ARNT2: variants seen among roughly 807,000 people sequenced by gnomAD.
ARNT2 encodes the protein ARNT protein 2.
ARNT2 carries 36 observed loss-of-function variants against 91.7 expected under a neutral mutation model. The observed-to-expected ratio is 0.39, with a 90% confidence interval of 0.30 to 0.52. The LOEUF (loss-of-function observed/expected upper bound fraction) is 0.52, where lower values mean the gene tolerates loss of function less well. ARNT2 is among the 20% of genes least tolerant of loss of function. The pLI, the probability that ARNT2 is intolerant of heterozygous loss-of-function variation, is 0.72. For synonymous variants in ARNT2, 365 were observed against 347.1 expected (o/e 1.05, Z -0.57); for missense variants, 775 against 939.3 (o/e 0.83, Z 2.29).
chr15:80,482,436 C>G (rs1019132110), intron 5 of ARNT2, among the ~76,000 whole-genome samples: 1 of 152,078 alleles, frequency 6.6e-6, no homozygotes, highest in Non-Finnish European at 1.5e-5. Flanking sequence ...TGGGGATTAT[C>G]GGCCCCATTT....
chr15:80,452,059 G>A (rs1390004284), intron 2 of ARNT2, among the ~76,000 whole-genome samples: 1 of 152,248 alleles, frequency 6.6e-6, no homozygotes, highest in African/African-American at 2.4e-5. Flanking sequence ...GGGGGCATAA[G>A]TGGAGGCAAT....
intron 3 of ARNT2, among the ~76,000 whole-genome samples, chr15:80,466,715 C>T (rs1896660639): frequency 6.6e-6 from 1 of 152,264 alleles, no homozygotes; most frequent in South Asian, 2.1e-4. Context: ...GTGTATGTCA[C>T]TCACTTATCA....
intron 13 of ARNT2, among the ~76,000 whole-genome samples, chr15:80,574,784 T>C (rs976728629): frequency 1.3e-5 from 2 of 152,202 alleles, no homozygotes; most frequent in Non-Finnish European, 2.9e-5. Flanking sequence ...TGACCTTCAG[T>C]TCACCGCCCC....
chr15:80,426,669 G>A (rs1895936455), intron 1 of ARNT2, among the ~76,000 whole-genome samples: 1 of 152,202 alleles, frequency 6.6e-6, no homozygotes, highest in Admixed American at 6.5e-5. Context: ...AAATTATCTT[G>A]TTTAGAGCAA....
At chr15:80,531,619 G>A (rs924953277) in intron 8 of ARNT2, among the ~76,000 whole-genome samples, 4 of 152,136 alleles carry the variant, frequency 2.6e-5, no homozygotes, top group Admixed American at 1.3e-4. Context: ...TCTTTTCTCC[G>A]TTATAACACC....
At chr15:80,542,797 T>C (rs1036830549) in intron 8 of ARNT2, among the ~76,000 whole-genome samples, 3 of 152,160 alleles carry the variant, frequency 2.0e-5, no homozygotes, top group African/African-American at 7.2e-5. Context: ...TCATTTTCTT[T>C]ATGCCAGCTG....
At chr15:80,553,792 G>A (rs1898127240) in intron 10 of ARNT2, among the ~76,000 whole-genome samples, 1 of 152,180 alleles carries the variant, frequency 6.6e-6, no homozygotes, top group Non-Finnish European at 1.5e-5. Flanking sequence ...ATGTAGATAT[G>A]AGTATTTTAA....
At position 80,522,931 on chromosome 15, in the gene ARNT2, G is replaced by A. The variant is rs939956144; in HGVS notation, c.877+8526G>A. On this transcript the variant is annotated intron_variant, in intron 8 of 18. Coordinates refer to ENST00000303329, the MANE Select transcript of ARNT2 (RefSeq NM_014862.4). Reference sequence around the variant, plus strand: ...GCCTCCAGCTGGACTCAAGGATGGCGATCCTAAGAAGCAATGCCTTCCCAG... The same window carrying A: ...GCCTCCAGCTGGACTCAAGGATGGCAATCCTAAGAAGCAATGCCTTCCCAG... 4.6e-5 allele frequency among the ~76,000 whole-genome samples: 7 copies of A among 151,902 alleles called. No homozygotes were observed. The East Asian group carries it at 5.8e-4, about 13-fold the overall frequency.
intron 15 of ARNT2, 108 bp downstream of exon 15, chr15:80,577,073 C>T: frequency 3.5e-6 from 4 of 1,128,074 alleles, no homozygotes; most frequent in Admixed American, 2.0e-5. Context: ...TTAGTGGTTA[C>T]TGGCGCTCAG....
intron 5 of ARNT2, among the ~76,000 whole-genome samples, chr15:80,491,434 T>C (rs964028393): frequency 4.6e-5 from 7 of 152,138 alleles, no homozygotes; most frequent in Non-Finnish European, 1.0e-4. Context: ...CCTGCTCCCA[T>C]GATTCAATTA....
At chr15:80,558,545 G>A (rs1416678397) in intron 11 of ARNT2, among the ~76,000 whole-genome samples, 2 of 151,920 alleles carry the variant, frequency 1.3e-5, no homozygotes, top group African/African-American at 4.8e-5. Flanking sequence ...TCACCATGTT[G>A]GCCAGGCTGG....
At chr15:80,570,898 G>A (rs1175479260) in intron 12 of ARNT2, among the ~76,000 whole-genome samples, 3 of 152,136 alleles carry the variant, frequency 2.0e-5, no homozygotes, top group Admixed American at 6.5e-5. Context: ...GGCTGAATTC[G>A]AAACAGAATG....
chr15:80,588,263 T>A (rs572622404), intron 17 of ARNT2, among the ~76,000 whole-genome samples: 1 of 152,130 alleles, frequency 6.6e-6, no homozygotes, highest in African/African-American at 2.4e-5. Context: ...CACCTCCTTC[T>A]CCATCACATC....
In ARNT2 at chr15:80,543,033, A is replaced by G. The variant is rs1013986515; in HGVS notation, c.878-8166A>G. On this transcript the variant is annotated intron_variant, in intron 8 of 18. Transcript: ENST00000303329. ...GATGGCTTGAGCCTGGGAGGTCAAG[A>G]CTGCAGTGAACCAAGATCGCGCCAC... 8.2e-5 allele frequency among the ~76,000 whole-genome samples: 12 copies of G among 146,570 alleles called. No individual in the cohort carries two copies. The South Asian group carries it at 2.4e-3, about 29-fold the overall frequency.
intron 1 of ARNT2, 103 bp from the exon 2 acceptor site, chr15:80,450,777 G>A: frequency 8.8e-7 from 1 of 1,136,898 alleles, no homozygotes; most frequent in Non-Finnish European, 1.3e-6. Context: ...AGGTCCCTGG[G>A]CTCTCTGCGC....
intron 1 of ARNT2, among the ~76,000 whole-genome samples, chr15:80,419,890 T>G (rs990536339): frequency 6.6e-6 from 1 of 152,160 alleles, no homozygotes; most frequent in Non-Finnish European, 1.5e-5. Flanking sequence ...TGGAACGCAG[T>G]GTAAGGCTCT....
At chr15:80,559,194 A>G (rs902317083) in intron 11 of ARNT2, among the ~76,000 whole-genome samples, 1 of 152,244 alleles carries the variant, frequency 6.6e-6, no homozygotes, top group South Asian at 2.1e-4. Context: ...GGTTTTGAAA[A>G]GACAAAGAAG....
At chr15:80,536,814 G>A (rs1596003385) in intron 8 of ARNT2, among the ~76,000 whole-genome samples, 2 of 152,134 alleles carry the variant, frequency 1.3e-5, no homozygotes, top group African/African-American at 4.8e-5. Flanking sequence ...CATCTGTCAC[G>A]GCTGCACAGA....
chr15:80,419,378 G>A (rs887083845), intron 1 of ARNT2, among the ~76,000 whole-genome samples: 17 of 152,200 alleles, frequency 1.1e-4, no homozygotes, highest in Middle Eastern at 3.2e-3. Context: ...GGGCTCAATC[G>A]CCCATTTCAC....
Sources: allele counts gnomAD v4.1 joint callset (sites outside exome capture counted in the v4.1 genomes callset), GRCh38; gene constraint gnomAD v4.1.1; transcripts MANE v1.5; gene names NCBI Gene and HGNC (gene_info 2026-07-23, HGNC 2026-07-21).